CREB1: variants seen among roughly 807,000 people sequenced by gnomAD.
CREB1 encodes cAMP responsive element binding protein 1.
In CREB1, 2 loss-of-function variants were observed where a neutral mutation model predicts 42.0. The ratio of observed to expected loss-of-function variants is 0.05; its 90% confidence interval spans 0.02 to 0.15. CREB1 has a LOEUF of 0.15. Among genes scored for constraint, CREB1 ranks in the 10% least tolerant of loss-of-function variants. The pLI is 1.00. For synonymous variants in CREB1, 123 were observed against 139.9 expected (o/e 0.88, Z 0.85); for missense variants, 199 against 388.9 (o/e 0.51, Z 4.11).
At chr2:207,580,470 C>G (rs552982443) in intron 7 of CREB1, among the ~76,000 whole-genome samples, 1 of 152,194 alleles carries the variant, frequency 6.6e-6, no homozygotes, top group East Asian at 1.9e-4. Context: ...TGCTGCACCC[C>G]CAGAGTCTCC....
At chr2:207,570,934 T>C (rs2082330620) in intron 5 of CREB1, among the ~76,000 whole-genome samples, 3 of 152,188 alleles carry the variant, frequency 2.0e-5, no homozygotes, top group Admixed American at 2.0e-4. Flanking sequence ...CTTCTTATCT[T>C]TCACCAAAAT....
intron 1 of CREB1, among the ~76,000 whole-genome samples, chr2:207,531,703 A>G (rs139299736): frequency 1.3e-5 from 2 of 152,344 alleles, no homozygotes; most frequent in African/African-American, 2.4e-5. Flanking sequence ...AAGACGAACA[A>G]GTTTGTTTTA....
chr2:207,589,155 T>G (rs2106636473), intron 7 of CREB1, among the ~76,000 whole-genome samples: 1 of 152,250 alleles, frequency 6.6e-6, no homozygotes, highest in Non-Finnish European at 1.5e-5. Flanking sequence ...AAATGTATTG[T>G]TTTCCAGTTC....
At chr2:207,562,363 T>G (rs1167423298) in intron 3 of CREB1, among the ~76,000 whole-genome samples, 2 of 152,244 alleles carry the variant, frequency 1.3e-5, no homozygotes, top group Non-Finnish European at 2.9e-5. Flanking sequence ...CTAAGATTAC[T>G]GTTTTTTATT....
intron 1 of CREB1, among the ~76,000 whole-genome samples, chr2:207,537,677 C>A (rs2080928158): frequency 6.6e-6 from 1 of 152,178 alleles, no homozygotes. Context: ...TGAGACAAAA[C>A]TTAAATAAGA....
chr2:207,582,929 A>G (rs910124365), intron 7 of CREB1: 5 of 245,736 alleles, frequency 2.0e-5, no homozygotes, highest in Admixed American at 1.3e-4. Flanking sequence ...ATATATATAT[A>G]TACATACACA....
chr2:207,586,386 A>G (rs2083844338), intron 7 of CREB1, among the ~76,000 whole-genome samples: 1 of 152,166 alleles, frequency 6.6e-6, no homozygotes. Flanking sequence ...ATGAAACTAG[A>G]TACCTATCAC....
At chr2:207,587,075 G>A (rs1033465357) in intron 7 of CREB1, among the ~76,000 whole-genome samples, 4 of 152,120 alleles carry the variant, frequency 2.6e-5, no homozygotes, top group Admixed American at 6.5e-5. Context: ...CAGCCATTAC[G>A]GAAAACGGTG....
At chr2:207,593,135 T>C (rs556504265) in intron 7 of CREB1, among the ~76,000 whole-genome samples, 2 of 152,336 alleles carry the variant, frequency 1.3e-5, no homozygotes, top group East Asian at 1.9e-4. Flanking sequence ...ATTTGATTCC[T>C]TTTCATAATT....
At chr2:207,561,871 A>G (rs989739014) in intron 3 of CREB1, among the ~76,000 whole-genome samples, 2 of 152,210 alleles carry the variant, frequency 1.3e-5, no homozygotes, top group African/African-American at 2.4e-5. Flanking sequence ...TCGAACTTCT[A>G]TTAACCACCT....
At chr2:207,568,984 C>T (rs1328266450) in intron 4 of CREB1, among the ~76,000 whole-genome samples, 1 of 151,956 alleles carries the variant, frequency 6.6e-6, no homozygotes, top group Non-Finnish European at 1.5e-5. Flanking sequence ...AAAACCATTA[C>T]TCTCTCGTTT....
intron 6 of CREB1, chr2:207,576,849 C>A (rs2082617609): frequency 1.0e-6 from 1 of 962,684 alleles, no homozygotes; most frequent in Admixed American, 6.2e-5. Context: ...TTTTTAGAAG[C>A]AGTTTGACAA....
At chr2:207,573,701 C>G (rs1049624192) in intron 5 of CREB1, among the ~76,000 whole-genome samples, 10 of 152,250 alleles carry the variant, frequency 6.6e-5, no homozygotes, top group African/African-American at 2.4e-4. Context: ...CCACTGCACT[C>G]CAGCCTGGAA....
At position 207,603,185 on chromosome 2, in the gene CREB1, TG is replaced by T. The variant is rs1432422848; in HGVS notation, c.*6128del. 3 of 213,906 alleles carry T rather than the reference TG, an allele frequency of 1.4e-5. No homozygotes were observed. Among genetic ancestry groups the T allele is most frequent in the Non-Finnish European group, 2.8e-5 (3 of 105,974 alleles). The allele number at this position is 213,906 out of a possible 1,614,324, so 13.3% of individuals were successfully genotyped here. On this transcript the variant is annotated 3_prime_UTR_variant, in exon 8 of 8. Transcript: ENST00000353267. The stretch of plus-strand genomic sequence containing the variant: ...TTTAATTTTTTTATCTAAATCTTTT[TG>T]TGCTTTATGTGTAAAGAAAAAAATG...
intron 1 of CREB1, among the ~76,000 whole-genome samples, chr2:207,538,784 G>T (rs2080977519): frequency 6.6e-6 from 1 of 152,180 alleles, no homozygotes; most frequent in Admixed American, 6.5e-5. Context: ...CATCTTCTCT[G>T]AAATGAAGAC....
Position 207,604,079 on chromosome 2 carries a change from A to G in CREB1, c.*7021A>G, listed in dbSNP as rs1280745558. On this transcript the variant is annotated 3_prime_UTR_variant, in exon 8 of 8. Coordinates refer to ENST00000353267, the MANE Select transcript of CREB1 (RefSeq NM_004379.5). The stretch of plus-strand genomic sequence containing the variant: ...ACATTTTGAGAGTGATATTAATTAC[A>G]TGAGGGACAATAGGCATGAACTAGG... Among the ~76,000 whole-genome samples the G allele has an allele frequency of 6.6e-6, 1 of 152,206 alleles. No individual in the cohort carries two copies. Among genetic ancestry groups the G allele is most frequent in the Non-Finnish European group, 1.5e-5 (1 of 68,044 alleles).
In CREB1 at chr2:207,555,659, G is replaced by C; in HGVS notation, c.24G>C (p.Glu8Asp). 2 of 1,613,096 alleles carry C rather than the reference G, an allele frequency of 1.2e-6. No individual in the cohort carries two copies. The highest frequency in any genetic ancestry group is 2.7e-5 in the African/African-American group (2 of 74,976). ...AAATGACCATGGAATCTGGAGCCGAGAACCAGCAGAGTGGAGATGCAGCTG... is the reference window on the plus strand; with the variant it reads ...AAATGACCATGGAATCTGGAGCCGACAACCAGCAGAGTGGAGATGCAGCTG... Reference protein sequence around the residue: MTMESGAENQQSGDAAVT... With the variant: MTMESGADNQQSGDAAVT... The change falls in exon 2 of 8, where the codon GAG (glutamate) becomes GAC (aspartate). Residue 8 changes from glutamate to aspartate, a missense_variant. Around this residue, in one of 4 missense-constraint regions of CREB1, gnomAD observed 53 missense variants for 57.1 expected, o/e 0.93. Transcript: ENST00000353267.
chr2:207,532,817 T>TC (rs1479861955), intron 1 of CREB1, among the ~76,000 whole-genome samples: 1 of 152,020 alleles, frequency 6.6e-6, no homozygotes, highest in African/African-American at 2.4e-5. Context: ...AGTGGGCTGG[T>TC]CTCGGCTCAC....
At chr2:207,530,779 C>T (rs1225025859) in intron 1 of CREB1, among the ~76,000 whole-genome samples, 1 of 151,838 alleles carries the variant, frequency 6.6e-6, no homozygotes, top group Non-Finnish European at 1.5e-5. Flanking sequence ...AACGTCTGAC[C>T]TACTCTTCTC....
Sources: gnomAD v4.1 joint callset for allele counts (sites outside exome capture counted in the v4.1 genomes callset) on GRCh38, gnomAD v4.1.1 for gene constraint, gnomAD v4.1.1 regional missense constraint, MANE v1.5 for transcripts, NCBI Gene and HGNC (gene_info 2026-07-23, HGNC 2026-07-21) for gene names.